Variants in R3HCC1L observed in about 807,000 individuals in gnomAD.
R3HCC1L encodes the protein coiled-coil domain-containing protein R3HCC1L.
Under a neutral mutation model 59.9 loss-of-function variants are expected in R3HCC1L, and 51 were observed. The observed-to-expected ratio is 0.85, with a 90% CI of 0.68 to 1.07. R3HCC1L has a LOEUF of 1.07. Ranked by LOEUF, R3HCC1L falls within the 50% of genes least tolerant of loss-of-function variation. The pLI is 0.00. For missense variants in R3HCC1L, 965 were observed against 933.0 expected, an observed-to-expected ratio of 1.03 and a Z score of -0.45; for synonymous variants, 322 against 315.2, an observed-to-expected ratio of 1.02 and a Z score of -0.23.
intron 4 of R3HCC1L, among the ~76,000 whole-genome samples, chr10:98,169,157 C>T (rs1434083919): frequency 6.6e-6 from 1 of 152,188 alleles, no homozygotes; most frequent in East Asian, 1.9e-4. Context: ...TTGGTTTTCT[C>T]CTTTTACGGC....
At chr10:98,144,475 A>G (rs148318822) in intron 1 of R3HCC1L, among the ~76,000 whole-genome samples, 1 of 152,084 alleles carries the variant, frequency 6.6e-6, no homozygotes, top group African/African-American at 2.4e-5. Context: ...CCGCCTCCCA[A>G]AGTGCTGGGA....
chr10:98,229,111 G>A (rs372863836), intron 5 of R3HCC1L, among the ~76,000 whole-genome samples: 3 of 151,842 alleles, frequency 2.0e-5, no homozygotes, highest in Admixed American at 6.6e-5. Flanking sequence ...TTTTTTTCCA[G>A]TTCTGTGAAG....
At chr10:98,173,047 T>G (rs148213847) in intron 4 of R3HCC1L, among the ~76,000 whole-genome samples, 52 of 152,328 alleles carry the variant, frequency 3.4e-4, no homozygotes, top group African/African-American at 1.2e-3. Flanking sequence ...TAAATCAAAA[T>G]TTTTACCTAG....
At chr10:98,183,729 T>G (rs1359827024) in intron 4 of R3HCC1L, among the ~76,000 whole-genome samples, 1 of 152,162 alleles carries the variant, frequency 6.6e-6, no homozygotes, top group Non-Finnish European at 1.5e-5. Flanking sequence ...CTGATAAGGT[T>G]GTTGAAAGCT....
At chr10:98,164,924 A>G (rs1266173870) in intron 4 of R3HCC1L, among the ~76,000 whole-genome samples, 2 of 152,178 alleles carry the variant, frequency 1.3e-5, no homozygotes, top group African/African-American at 4.8e-5. Flanking sequence ...GAAATAGTGT[A>G]TTTCACCTTT....
At chr10:98,169,288 C>G (rs1427845715) in intron 4 of R3HCC1L, among the ~76,000 whole-genome samples, 1 of 152,156 alleles carries the variant, frequency 6.6e-6, no homozygotes, top group Non-Finnish European at 1.5e-5. Context: ...GCAGTCTAGT[C>G]TAGTAGTTAA....
intron 1 of R3HCC1L, among the ~76,000 whole-genome samples, chr10:98,147,558 CT>C (rs1845780091): frequency 6.6e-6 from 1 of 152,094 alleles, no homozygotes; most frequent in South Asian, 2.1e-4. Flanking sequence ...ACATGTAAGT[CT>C]TTAATCCATT....
chr10:98,220,335 G>T (rs1193007820), intron 5 of R3HCC1L, among the ~76,000 whole-genome samples: 4 of 144,780 alleles, frequency 2.8e-5, no homozygotes, highest in African/African-American at 1.0e-4. Context: ...TAATATTTTT[G>T]AATTCTTTGT....
chr10:98,224,612 C>A (rs1250473077), intron 5 of R3HCC1L, among the ~76,000 whole-genome samples: 1 of 152,192 alleles, frequency 6.6e-6, no homozygotes, highest in Non-Finnish European at 1.5e-5. Flanking sequence ...ACTCACATAT[C>A]ATTTATGCTT....
At chr10:98,147,294 C>A (rs140528206) in intron 1 of R3HCC1L, among the ~76,000 whole-genome samples, 131 of 152,082 alleles carry the variant, frequency 8.6e-4, no homozygotes, top group African/African-American at 3.0e-3. Flanking sequence ...GTTTGAACTC[C>A]TTGTATATTC....
intron 5 of R3HCC1L, among the ~76,000 whole-genome samples, chr10:98,212,803 T>C (rs1853737573): frequency 6.6e-6 from 1 of 152,324 alleles, no homozygotes; most frequent in African/African-American, 2.4e-5. Flanking sequence ...CCAGCATTTG[T>C]TACCTTCATT....
intron 4 of R3HCC1L, among the ~76,000 whole-genome samples, chr10:98,165,482 G>A (rs1260783503): frequency 1.3e-5 from 2 of 152,144 alleles, no homozygotes; most frequent in African/African-American, 4.8e-5. Context: ...CAATGGCTAG[G>A]CCTTTATCTC....
chr10:98,208,791 CTGTCATGAA>C lies in R3HCC1L; in HGVS notation c.678_686del (p.Val227_Lys229del). Reference sequence around the variant, plus strand: ...TATGAGTTTCCTAGAGTTTTTAGTTCTGTCATGAAACCTGAGAATATGATTGTACCAATA... The same window carrying C: ...TATGAGTTTCCTAGAGTTTTTAGTTCACCTGAGAATATGATTGTACCAATA... On this transcript the variant is annotated inframe_deletion, in exon 5 of 10. Transcript: ENST00000298999. 6.2e-7 allele frequency: 1 copy of C among 1,613,988 alleles called. No homozygotes were observed. The highest frequency in any genetic ancestry group is 8.5e-7 in the Non-Finnish European group (1 of 1,179,948).
chr10:98,192,965 A>G (rs1272846043), intron 4 of R3HCC1L, among the ~76,000 whole-genome samples: 1 of 152,210 alleles, frequency 6.6e-6, no homozygotes, highest in East Asian at 1.9e-4. Flanking sequence ...GGATGCAAGG[A>G]TGGCTCAACA....
intron 1 of R3HCC1L, among the ~76,000 whole-genome samples, chr10:98,140,530 C>T (rs1484390823): frequency 6.6e-6 from 1 of 151,934 alleles, no homozygotes; most frequent in East Asian, 1.9e-4. Flanking sequence ...GCAGGGTAAT[C>T]AGAGATGTAG....
intron 2 of R3HCC1L, among the ~76,000 whole-genome samples, chr10:98,162,670 G>T (rs1374497778): frequency 6.8e-6 from 1 of 147,636 alleles, no homozygotes; most frequent in Non-Finnish European, 1.5e-5. Flanking sequence ...GTGTGTGTGT[G>T]TTTGTGTGTG....
At chr10:98,154,896 G>T (rs1846684807) in intron 1 of R3HCC1L, among the ~76,000 whole-genome samples, 1 of 152,104 alleles carries the variant, frequency 6.6e-6, no homozygotes, top group African/African-American at 2.4e-5. Flanking sequence ...GCTTAATTAG[G>T]ATTATCAGTT....
chr10:98,206,280 A>C (rs567346060), intron 4 of R3HCC1L, among the ~76,000 whole-genome samples: 138 of 150,250 alleles, frequency 9.2e-4, no homozygotes, highest in Non-Finnish European at 1.7e-3. Flanking sequence ...ATCTTTCTTT[A>C]TGCAAATTAT....
intron 4 of R3HCC1L, among the ~76,000 whole-genome samples, chr10:98,201,938 G>T (rs1337579504): frequency 6.6e-6 from 1 of 150,614 alleles, no homozygotes; most frequent in East Asian, 1.9e-4. Context: ...CCAAGCTGGA[G>T]TGTAGTGGTT....
Sources: gnomAD v4.1 joint callset for allele counts (sites outside exome capture counted in the v4.1 genomes callset) on GRCh38, gnomAD v4.1.1 for gene constraint, MANE v1.5 for transcripts, NCBI Gene and HGNC (gene_info 2026-07-23, HGNC 2026-07-21) for gene names.